The following TPTE2 variants were observed in gnomAD, a reference collection of about 807,000 sequenced individuals.
TPTE2 encodes phosphatidylinositol 3,4,5-trisphosphate 3-phosphatase TPTE2.
In TPTE2, 53 loss-of-function variants were observed where a neutral mutation model predicts 78.6. That is an observed-to-expected ratio of 0.67 (90% confidence interval 0.54 to 0.85). The LOEUF (loss-of-function observed/expected upper bound fraction) is 0.85, where lower values mean the gene tolerates loss of function less well. Among genes scored for constraint, TPTE2 ranks in the 40% least tolerant of loss-of-function variants. The pLI, the probability that TPTE2 is intolerant of heterozygous loss-of-function variation, is 0.00. For missense variants in TPTE2, 461 were observed against 623.0 expected, an observed-to-expected ratio of 0.74 and a Z score of 2.77; for synonymous variants, 175 against 206.2, an observed-to-expected ratio of 0.85 and a Z score of 1.30.
In TPTE2 at chr13:19,492,714, G is replaced by A. The variant is rs1435429732; in HGVS notation, c.119+136C>T. ...TGTTTGGTGTTTCCACTTTGTGCAT[G>A]GGTTTGTTTGTGTAAATGTGTTGAC... On this transcript the variant is annotated intron_variant, in intron 3 of 19. Coordinates refer to ENST00000400230, the Ensembl canonical transcript of TPTE2. The A allele has an allele frequency of 3.2e-6, 4 of 1,248,776 alleles. No individual in the cohort carries two copies. The African/African-American group carries it at 4.5e-5, about 14-fold the overall frequency. 77.4% of individuals were successfully genotyped at this position (1,248,776 alleles called of 1,614,324 possible). A position where few individuals can be genotyped will look rare whatever the true frequency, so the allele number is the denominator to read the frequency against.
rs773659406 is a variant in TPTE2, at chr13:19,430,549, T to C, written c.1223-2A>G. The C allele has an allele frequency of 2.5e-6, 4 of 1,605,682 alleles. No individual in the cohort carries two copies. Among genetic ancestry groups the C allele is most frequent in the Admixed American group, 1.7e-5 (1 of 57,866 alleles). On this transcript the variant is annotated splice_acceptor_variant, in intron 16 of 19. Transcript: ENST00000400230. LOFTEE classifies it high-confidence loss of function. ...GGACTTTTAGATCACATACATCACC[T>C]GTTCCAACAAAATGAAATTAAAAAG...
chr13:19,441,516 T>C (rs552279042), intron 13 of TPTE2, among the ~76,000 whole-genome samples: 7 of 152,344 alleles, frequency 4.6e-5, no homozygotes, highest in African/African-American at 1.7e-4. Context: ...ATCAGAAATC[T>C]ATAATAATGC....
At chr13:19,549,255 T>G in the TPTE2 span, among the ~76,000 whole-genome samples, 1 of 152,032 alleles carries the variant, frequency 6.6e-6, no homozygotes, top group Admixed American at 6.6e-5. Flanking sequence ...CTGCAAACTA[T>G]GCAACCAACA....
At chr13:19,506,329 G>T (rs1347605705), upstream of TPTE2, among the ~76,000 whole-genome samples, 1 of 150,108 alleles carries the variant, frequency 6.7e-6, no homozygotes, top group Non-Finnish European at 1.5e-5. Context: ...CCGCCACTAC[G>T]CCCGGCTAAT....
intron 14 of TPTE2, among the ~76,000 whole-genome samples, chr13:19,437,253 A>C (rs973722296): frequency 1.1e-4 from 17 of 152,214 alleles, no homozygotes; most frequent in African/African-American, 4.1e-4. Flanking sequence ...GAGAAACCAA[A>C]GGTGGTGGAA....
At chr13:19,513,961 G>A (rs1026808625) in intron 1 of TPTE2, among the ~76,000 whole-genome samples, 1 of 152,124 alleles carries the variant, frequency 6.6e-6, no homozygotes, top group Non-Finnish European at 1.5e-5. Context: ...GACTAAACCT[G>A]AGGCAGGGGC....
intron 10 of TPTE2, among the ~76,000 whole-genome samples, chr13:19,457,052 C>T (rs558502087): frequency 6.6e-6 from 1 of 152,272 alleles, no homozygotes; most frequent in African/African-American, 2.4e-5. Context: ...AATAAACGCA[C>T]CTCTGCAATT....
chr13:19,527,238 T>C (rs1870562332), intron 1 of TPTE2, among the ~76,000 whole-genome samples: 1 of 152,176 alleles, frequency 6.6e-6, no homozygotes. Flanking sequence ...AGTTCTAATG[T>C]TCTATAGCAG....
intron 15 of TPTE2, among the ~76,000 whole-genome samples, chr13:19,433,260 T>G (rs1004282040): frequency 1.3e-5 from 2 of 152,036 alleles, no homozygotes; most frequent in Non-Finnish European, 2.9e-5. Context: ...TCCCAGCACT[T>G]TGGGAGGCCG....
intron 4 of TPTE2, among the ~76,000 whole-genome samples, chr13:19,477,094 T>C (rs531293773): frequency 6.6e-6 from 1 of 152,308 alleles, no homozygotes; most frequent in East Asian, 1.9e-4. Context: ...CTCTTATCCT[T>C]AGCAAACTAG....
upstream of TPTE2, among the ~76,000 whole-genome samples, chr13:19,537,059 G>A (rs1294016079): frequency 6.6e-6 from 1 of 151,644 alleles, no homozygotes; most frequent in African/African-American, 2.4e-5. Context: ...TGATTTTTTG[G>A]CCTTCTAAGG....
intron 1 of TPTE2, among the ~76,000 whole-genome samples, chr13:19,510,229 C>G (rs1464633501): frequency 6.6e-6 from 1 of 152,072 alleles, no homozygotes; most frequent in African/African-American, 2.4e-5. Context: ...GCATCTGAGT[C>G]TGTTTAGTGT....
intron 13 of TPTE2, among the ~76,000 whole-genome samples, chr13:19,447,637 TAA>T (rs1246546609): frequency 6.6e-6 from 1 of 152,170 alleles, no homozygotes; most frequent in Non-Finnish European, 1.5e-5. Flanking sequence ...CTGAATTATA[TAA>T]GTCAGTTTAC....
chr13:19,493,698 G>A (rs1454259466), intron 1 of TPTE2, 197 bp from the exon 5 acceptor site: 6 of 641,660 alleles, frequency 9.4e-6, no homozygotes, highest in Non-Finnish European at 1.4e-5. Flanking sequence ...AAAATCTTAG[G>A]CTGGGGAAAA....
chr13:19,538,973 G>A (rs1441044755), upstream of TPTE2, among the ~76,000 whole-genome samples: 1 of 152,214 alleles, frequency 6.6e-6, no homozygotes, highest in Non-Finnish European at 1.5e-5. Flanking sequence ...GCCATGTCTG[G>A]TGAGAGACTT....
intron 10 of TPTE2, among the ~76,000 whole-genome samples, chr13:19,463,615 C>T (rs1879075766): frequency 2.0e-5 from 3 of 152,078 alleles, no homozygotes; most frequent in Admixed American, 2.0e-4. Flanking sequence ...TTGCCTCTTC[C>T]AATGTTAGAG....
chr13:19,538,378 C>G (rs535550820), upstream of TPTE2, among the ~76,000 whole-genome samples: 84 of 151,114 alleles, frequency 5.6e-4, 2 homozygotes, highest in East Asian at 0.016. Context: ...CCGCCACCAC[C>G]CCCGGCTAAT....
chr13:19,465,339 T>C, intron 8 of TPTE2, 21 bp from the exon 12 acceptor site: 1 of 1,613,828 alleles, frequency 6.2e-7, no homozygotes, highest in Non-Finnish European at 8.5e-7. Context: ...AAAATCATCA[T>C]TAGTTTGTGA....
intron 13 of TPTE2, among the ~76,000 whole-genome samples, chr13:19,438,844 C>G (rs1566040073): frequency 6.6e-6 from 1 of 152,150 alleles, no homozygotes; most frequent in African/African-American, 2.4e-5. Flanking sequence ...AGGCAAGCAG[C>G]CCTCAGGACA....
Sources: gnomAD v4.1 joint callset for allele counts (sites outside exome capture counted in the v4.1 genomes callset) on GRCh38, gnomAD v4.1.1 for gene constraint, MANE v1.5 for transcripts, NCBI Gene and HGNC (gene_info 2026-07-23, HGNC 2026-07-21) for gene names.